Variants in ZNF208 observed in about 807,000 individuals in gnomAD.
ZNF208 encodes zinc finger protein 208.
Under a neutral mutation model 12.1 loss-of-function variants are expected in ZNF208, and 10 were observed. That is an observed-to-expected ratio of 0.83 (90% CI 0.51 to 1.40). The LOEUF (loss-of-function observed/expected upper bound fraction) is 1.40, where lower values mean the gene tolerates loss of function less well. ZNF208 is among the 40% of genes most tolerant of loss of function. ZNF208 has a pLI of 0.00. For missense variants in ZNF208, 1,652 were observed against 1,485.0 expected (o/e 1.11, Z -1.85); for synonymous variants, 497 against 488.4 (o/e 1.02, Z -0.23).
downstream of ZNF208, among the ~76,000 whole-genome samples, chr19:21,964,401 A>T (rs998369706): frequency 6.6e-6 from 1 of 151,798 alleles, no homozygotes; most frequent in Non-Finnish European, 1.5e-5. Flanking sequence ...GTTTAGAGTA[A>T]AATTCTCTCT....
At chr19:22,001,995 C>CCACT (rs1350939787) in intron 1 of ZNF208, among the ~76,000 whole-genome samples, 4 of 151,156 alleles carry the variant, frequency 2.6e-5, no homozygotes, top group African/African-American at 9.7e-5. Flanking sequence ...AAAAGCTAAC[C>CCACT]CACTATGATC....
chr19:21,957,488 T>G (rs1369791940), intron 4 of ZNF208, among the ~76,000 whole-genome samples: 4 of 152,054 alleles, frequency 2.6e-5, no homozygotes, highest in African/African-American at 9.7e-5. Flanking sequence ...GTCTCATACC[T>G]TGTCTACACA....
intron 1 of ZNF208, among the ~76,000 whole-genome samples, chr19:21,997,145 A>T (rs1251759843): frequency 6.6e-6 from 1 of 152,222 alleles, no homozygotes; most frequent in Non-Finnish European, 1.5e-5. Context: ...TTTATTACAC[A>T]ATTACATGTG....
At position 21,969,939 on chromosome 19, in the gene ZNF208, T is replaced by C. The variant is rs964385875; in HGVS notation, c.*1252A>G. ...TTTTTTTCCAGACAGTCTCTCTCTG[T>C]TGCCCAGGCTAGTGTAAATGCTTTC... On this transcript the variant is annotated 3_prime_UTR_variant, in exon 4 of 4. Coordinates refer to ENST00000397126, the MANE Select transcript of ZNF208 (RefSeq NM_007153.3). 2.6e-5 allele frequency among the ~76,000 whole-genome samples: 4 copies of C among 152,194 alleles called. No individual in the cohort carries two copies. The highest frequency in any genetic ancestry group is 9.6e-5 in the African/African-American group (4 of 41,452).
intron 3 of ZNF208, among the ~76,000 whole-genome samples, chr19:21,978,282 A>C (rs1970470746): frequency 6.6e-6 from 1 of 152,112 alleles, no homozygotes; most frequent in African/African-American, 2.4e-5. Context: ...TGATTAAGAG[A>C]CACCTCCCAG....
chr19:22,004,235 G>T (rs1467876331), intron 1 of ZNF208, among the ~76,000 whole-genome samples: 1 of 150,874 alleles, frequency 6.6e-6, no homozygotes, highest in Admixed American at 6.6e-5. Flanking sequence ...ACAAAATATG[G>T]GCTGGGTATG....
chr19:21,972,721 A>G lies in ZNF208; in HGVS notation c.2313T>C (p.His771=). ...SSTLSYHKKI[H]TVEKPYKCEE... Reference sequence around the variant, plus strand: ...CACATTTGTAGGGTTTCTCTACAGTATGAATTTTCTTATGATAACTAAGGG... The same window carrying G: ...CACATTTGTAGGGTTTCTCTACAGTGTGAATTTTCTTATGATAACTAAGGG... The change falls in exon 4 of 4, where the codon CAT becomes CAC. Residue 771 remains histidine (H), a synonymous_variant. Coordinates refer to ENST00000397126, the MANE Select transcript of ZNF208 (RefSeq NM_007153.3). 2.5e-6 allele frequency: 4 copies of G among 1,589,484 alleles called. No homozygotes were observed. The highest frequency in any genetic ancestry group is 3.4e-6 in the Non-Finnish European group (4 of 1,166,168).
intron 1 of ZNF208, among the ~76,000 whole-genome samples, chr19:22,008,115 C>T (rs1244100518): frequency 6.7e-6 from 1 of 149,476 alleles, no homozygotes; most frequent in Non-Finnish European, 1.5e-5. Context: ...ACAGCCTGGT[C>T]AATATGGTGA....
Position 21,987,285 on chromosome 19 carries a change from T to C in ZNF208, c.157A>G (p.Ile53Val), listed in dbSNP as rs749858217. Residue 53 changes from isoleucine to valine, a missense_variant, in exon 3 of 4, where the codon ATC becomes GTC. Coordinates refer to ENST00000397126, the MANE Select transcript of ZNF208 (RefSeq NM_007153.3). ...LGIAAFKPDL[I>V]IFLEEGKESW... ...TCTTTTCCTTCCTCCAGAAAAATGA[T>C]CAGGTCTGGCTTAAAGGCAGCAATA... 4 of 1,612,532 alleles carry C rather than the reference T, an allele frequency of 2.5e-6. No individual in the cohort carries two copies. Among genetic ancestry groups the C allele is most frequent in the South Asian group, 2.2e-5 (2 of 90,758 alleles).
At chr19:21,962,564 C>T (rs1363407855), downstream of ZNF208, among the ~76,000 whole-genome samples, 1 of 151,996 alleles carries the variant, frequency 6.6e-6, no homozygotes, top group African/African-American at 2.4e-5. Context: ...CTTCTATCTG[C>T]ATTCTCTTTC....
chr19:22,002,833 T>G (rs1188498790), intron 1 of ZNF208, among the ~76,000 whole-genome samples: 2 of 152,146 alleles, frequency 1.3e-5, no homozygotes, highest in Non-Finnish European at 2.9e-5. Flanking sequence ...TTAACAGAAC[T>G]AAAAGAACAA....
chr19:21,956,777 T>G (rs1282596170), intron 4 of ZNF208, among the ~76,000 whole-genome samples: 3 of 152,156 alleles, frequency 2.0e-5, no homozygotes. Flanking sequence ...CCCAACCCCT[T>G]GCACTTTCCA....
At chr19:21,950,802 C>T (rs1416282185) in intron 4 of ZNF208, among the ~76,000 whole-genome samples, 1 of 152,082 alleles carries the variant, frequency 6.6e-6, no homozygotes, top group Non-Finnish European at 1.5e-5. Context: ...GCCCCTAGCC[C>T]TGTTCATAAA....
At chr19:21,987,191 G>A (rs1475147034) in intron 3 of ZNF208, 25 bp downstream of exon 3, 1 of 1,599,972 alleles carries the variant, frequency 6.3e-7, no homozygotes. Context: ...TCTCATCCAT[G>A]TTGTCTGTAT....
chr19:21,978,233 G>C (rs1970469289), intron 3 of ZNF208, among the ~76,000 whole-genome samples: 1 of 152,214 alleles, frequency 6.6e-6, no homozygotes, highest in Non-Finnish European at 1.5e-5. Context: ...CTAAGGGTCA[G>C]ACTGCCACCT....
Position 21,974,032 on chromosome 19 carries a change from AATTGCCTTATGTGTAATAAGG to A in ZNF208, c.981_1001del (p.Leu328_Ile334del). On this transcript the variant is annotated inframe_deletion, in exon 4 of 4. Coordinates refer to ENST00000397126, the MANE Select transcript of ZNF208 (RefSeq NM_007153.3). Reference sequence around the variant, plus strand: ...ATTTGTAGGGCTTCTCTCCAGCATGAATTGCCTTATGTGTAATAAGGGTTGAGACCTTACTGAAGGCTTTGC... The same window carrying A: ...ATTTGTAGGGCTTCTCTCCAGCATGAGTTGAGACCTTACTGAAGGCTTTGC... 7.4e-7 allele frequency: 1 copy of A among 1,354,576 alleles called. No homozygotes were observed. The highest frequency in any genetic ancestry group is 9.8e-7 in the Non-Finnish European group (1 of 1,018,920). The allele number at this position is 1,354,576 out of a possible 1,614,324, so 83.9% of individuals were successfully genotyped here.
At chr19:22,004,440 G>C (rs1200284972) in intron 1 of ZNF208, among the ~76,000 whole-genome samples, 1 of 151,998 alleles carries the variant, frequency 6.6e-6, no homozygotes, top group African/African-American at 2.4e-5. Flanking sequence ...TTGAACCTGG[G>C]AGGTAGAGGT....
At chr19:21,977,497 C>G (rs760529390) in intron 3 of ZNF208, among the ~76,000 whole-genome samples, 1 of 152,152 alleles carries the variant, frequency 6.6e-6, no homozygotes, top group Non-Finnish European at 1.5e-5. Flanking sequence ...CTCTCCTAGC[C>G]AAGGTAAGGG....
intron 3 of ZNF208, among the ~76,000 whole-genome samples, chr19:21,978,659 C>T (rs541471368): frequency 3.2e-4 from 48 of 152,304 alleles, no homozygotes; most frequent in South Asian, 1.5e-3. Flanking sequence ...CCCAGAATGC[C>T]TGTTCTCCTC....
Sources: gnomAD v4.1 joint callset for allele counts (sites outside exome capture counted in the v4.1 genomes callset) on GRCh38, gnomAD v4.1.1 for gene constraint, MANE v1.5 for transcripts, NCBI Gene and HGNC (gene_info 2026-07-23, HGNC 2026-07-21) for gene names.